Variants in MPDZ observed in about 807,000 individuals in gnomAD.
MPDZ encodes the protein multiple PDZ domain crumbs cell polarity complex component.
A neutral mutation model predicts 239.1 loss-of-function variants in MPDZ; 234 were observed. That is an observed-to-expected ratio of 0.98 (90% CI 0.88 to 1.09). The LOEUF (loss-of-function observed/expected upper bound fraction) is 1.09, where lower values mean the gene tolerates loss of function less well. Among genes scored for constraint, MPDZ ranks in the 50% least tolerant of loss-of-function variants. MPDZ has a pLI of 0.00. For missense variants in MPDZ, 3,175 were observed against 2,510.0 expected, an observed-to-expected ratio of 1.26 and a Z score of -5.66; for synonymous variants, 1,048 against 881.3, an observed-to-expected ratio of 1.19 and a Z score of -3.35.
At chr9:13,192,098 T>G (rs1375966856) in intron 15 of MPDZ, 33 bp downstream of exon 15, 2 of 1,516,556 alleles carry the variant, frequency 1.3e-6, no homozygotes. Context: ...CCATTATATA[T>G]GTAGGTTAGC....
chr9:13,198,404 T>G (rs577541555), intron 12 of MPDZ, among the ~76,000 whole-genome samples: 20 of 152,302 alleles, frequency 1.3e-4, no homozygotes, highest in African/African-American at 4.3e-4. Context: ...CTTTGAGGAA[T>G]GTCTATTCAG....
intron 35 of MPDZ, among the ~76,000 whole-genome samples, chr9:13,124,412 T>C (rs75829379): frequency 0.018 from 2,686 of 152,276 alleles, 92 homozygotes; most frequent in African/African-American, 0.06. Context: ...AAAAAACTGT[T>C]AAAAGAACAG....
intron 22 of MPDZ, among the ~76,000 whole-genome samples, chr9:13,163,075 C>A (rs1453690163): frequency 6.6e-6 from 1 of 152,016 alleles, no homozygotes; most frequent in Non-Finnish European, 1.5e-5. Flanking sequence ...TTTATATTAT[C>A]AAATGAAAAG....
At chr9:13,257,682 A>G (rs900403065) in intron 1 of MPDZ, among the ~76,000 whole-genome samples, 1 of 152,176 alleles carries the variant, frequency 6.6e-6, no homozygotes, top group African/African-American at 2.4e-5. Context: ...AAGGACACTG[A>G]GATAATCTTA....
chr9:13,224,635 C>G (rs370735453), intron 3 of MPDZ, 52 bp from the exon 4 acceptor site: 230 of 1,222,988 alleles, frequency 1.9e-4, no homozygotes, highest in Admixed American at 3.2e-4. Flanking sequence ...TAAACTATTT[C>G]ATAGAAAATA....
intron 23 of MPDZ, among the ~76,000 whole-genome samples, chr9:13,158,324 G>C (rs541678449): frequency 8.8e-4 from 134 of 152,230 alleles, no homozygotes; most frequent in South Asian, 1.9e-3. Context: ...CCATAGCGTA[G>C]AGCTGAACAC....
chr9:13,135,195 C>A (rs982977620), intron 31 of MPDZ: 1 of 152,216 alleles, frequency 6.6e-6, no homozygotes, highest in African/African-American at 2.4e-5. Context: ...AGACAGCCAT[C>A]CCTCATGTCA....
intron 45 of MPDZ, 55 bp from the exon 46 acceptor site, chr9:13,109,114 T>C (rs1160557461): frequency 3.5e-6 from 4 of 1,157,052 alleles, no homozygotes; most frequent in East Asian, 3.1e-5. Flanking sequence ...AAACTATACA[T>C]ATATGTTATG....
At chr9:13,143,586 G>A (rs778331630) in intron 26 of MPDZ, 22 bp from the exon 27 acceptor site, 6 of 1,579,210 alleles carry the variant, frequency 3.8e-6, no homozygotes, top group African/African-American at 1.3e-5. Flanking sequence ...CATAAGAGGC[G>A]CTGAACGCAA....
chr9:13,226,578 T>C (rs942163498), intron 3 of MPDZ, among the ~76,000 whole-genome samples: 4 of 152,052 alleles, frequency 2.6e-5, no homozygotes, highest in African/African-American at 7.2e-5. Context: ...CATTCAGGTG[T>C]GCCTAATCTC....
At chr9:13,135,467 TCTTA>T (rs1379685727) in intron 31 of MPDZ, 1 of 152,178 alleles carries the variant, frequency 6.6e-6, no homozygotes, top group Non-Finnish European at 1.5e-5. Context: ...CCAATAATTA[TCTTA>T]CTTCCTCTAA....
chr9:13,161,869 T>A (rs1587395831), intron 23 of MPDZ, among the ~76,000 whole-genome samples: 1 of 152,268 alleles, frequency 6.6e-6, no homozygotes, highest in South Asian at 2.1e-4. Flanking sequence ...ATACTTTGTA[T>A]ATCAAGTGCC....
Position 13,186,340 on chromosome 9 carries a change from A to G in MPDZ, c.2411T>C (p.Leu804Pro), listed in dbSNP as rs1253308912. The G allele has an allele frequency of 6.3e-7, 1 of 1,593,534 alleles. No individual in the cohort carries two copies. Among genetic ancestry groups the G allele is most frequent in the Admixed American group, 1.7e-5 (1 of 57,512 alleles). The change falls in exon 18 of 47, where the codon CTC (leucine) becomes CCC (proline). Residue 804 changes from leucine (L) to proline (P), a missense_variant. By Grantham distance (98) the Leu-to-Pro change is moderately conservative. Transcript: ENST00000319217. ...TTCCTCACAGGAGTGTGGTGGGTAG[A>G]GAAAGGAATCCTCCTTAGCAGAAAC... ...GYVSAKEDSF[L>P]YPPHSCEEAG... is the part of the protein sequence containing the mutation.
At chr9:13,147,441 T>G (rs1416437960) in intron 26 of MPDZ, 107 bp downstream of exon 26, 1 of 801,818 alleles carries the variant, frequency 1.2e-6, no homozygotes, top group Non-Finnish European at 2.1e-6. Flanking sequence ...TCCTGAGATT[T>G]GAAAAATCAC....
intron 1 of MPDZ, among the ~76,000 whole-genome samples, chr9:13,252,231 A>G (rs1235435681): frequency 6.6e-6 from 1 of 152,118 alleles, no homozygotes; most frequent in African/African-American, 2.4e-5. Flanking sequence ...ACAGCCTACT[A>G]TTAGCCAACC....
intron 8 of MPDZ, among the ~76,000 whole-genome samples, chr9:13,218,690 T>C (rs892564221): frequency 8.1e-4 from 123 of 152,058 alleles, no homozygotes; most frequent in African/African-American, 2.6e-3. Context: ...GAAAAAACTT[T>C]AATAGAACAA....
At chr9:13,196,058 C>T in intron 13 of MPDZ, 63 bp downstream of exon 13, 3 of 1,098,634 alleles carry the variant, frequency 2.7e-6, no homozygotes, top group Non-Finnish European at 4.0e-6. Flanking sequence ...TCTATTATTC[C>T]CTCGAACTGC....
intron 1 of MPDZ, among the ~76,000 whole-genome samples, chr9:13,268,091 T>C (rs1057494483): frequency 5.9e-5 from 9 of 151,910 alleles, no homozygotes; most frequent in Non-Finnish European, 2.9e-5. Flanking sequence ...GCAACAGTAT[T>C]AGCATCAGAA....
chr9:13,217,113 AT>A, intron 9 of MPDZ, 66 bp downstream of exon 9: 1 of 1,117,776 alleles, frequency 8.9e-7, no homozygotes, highest in Non-Finnish European at 1.3e-6. Flanking sequence ...TCAACTCAAT[AT>A]TTTATAAGAG....
Sources: gnomAD v4.1 joint callset for allele counts (sites outside exome capture counted in the v4.1 genomes callset) on GRCh38, gnomAD v4.1.1 for gene constraint, MANE v1.5 for transcripts, NCBI Gene and HGNC (gene_info 2026-07-23, HGNC 2026-07-21) for gene names.